Variants in ADAMTS14 observed in about 807,000 individuals in gnomAD.
The protein encoded by ADAMTS14 is ADAM metallopeptidase with thrombospondin type 1 motif 14, also known as A disintegrin and metalloproteinase with thrombospondin motifs 14.
Under a neutral mutation model 128.6 loss-of-function variants are expected in ADAMTS14, and 100 were observed. The observed-to-expected ratio is 0.78, with a 90% CI of 0.66 to 0.92. ADAMTS14 has a LOEUF of 0.92. ADAMTS14 is among the 40% of genes least tolerant of loss of function. The probability of loss-of-function intolerance (pLI) is 0.00; values close to 1 mark genes in which losing one functional copy is unlikely to be tolerated. For synonymous variants in ADAMTS14, 665 were observed against 653.8 expected (o/e 1.02, Z -0.26); for missense variants, 1,562 against 1,658.6 (o/e 0.94, Z 1.01).
At chr10:70,738,776 C>A (rs1254732921) in intron 10 of ADAMTS14, 66 bp from the exon 11 acceptor site, 1 of 1,605,466 alleles carries the variant, frequency 6.2e-7, no homozygotes, top group African/African-American at 1.3e-5. Context: ...ATCCCTTTTT[C>A]TGGCTCCCCG....
At chr10:70,691,817 C>T (rs1322600129) in intron 2 of ADAMTS14, among the ~76,000 whole-genome samples, 1 of 152,188 alleles carries the variant, frequency 6.6e-6, no homozygotes, top group Non-Finnish European at 1.5e-5. Context: ...GCCAGCTGGA[C>T]TCCCTCTGTC....
At chr10:70,688,886 GGAGGGGGAGGGA>G (rs1564521641) in intron 2 of ADAMTS14, among the ~76,000 whole-genome samples, 3 of 8,188 alleles carry the variant, frequency 3.7e-4, no homozygotes, top group African/African-American at 1.2e-3. Flanking sequence ...AGGGGGAGGG[GGAGGGGGAGGGA>G]GAGGGAGAGC....
intron 19 of ADAMTS14, among the ~76,000 whole-genome samples, chr10:70,755,256 A>G (rs1053914366): frequency 8.0e-5 from 12 of 150,666 alleles, no homozygotes; most frequent in Non-Finnish European, 1.5e-5. Context: ...CCAGTGAGCT[A>G]TGACCATACC....
At chr10:70,752,251 G>A in intron 18 of ADAMTS14, 24 bp downstream of exon 18, 2 of 1,612,176 alleles carry the variant, frequency 1.2e-6, no homozygotes, top group South Asian at 1.1e-5. Flanking sequence ...GGGAGGGACG[G>A]GGAGTCTGGT....
At chr10:70,724,997 T>A (rs1035864100) in intron 4 of ADAMTS14, among the ~76,000 whole-genome samples, 1 of 152,114 alleles carries the variant, frequency 6.6e-6, no homozygotes, top group Non-Finnish European at 1.5e-5. Flanking sequence ...TGTGTAACAG[T>A]TTTTGTTTAT....
rs563657336 is a variant in ADAMTS14, at chr10:70,673,761, C to T, written c.83-795C>T. 3.9e-5 allele frequency among the ~76,000 whole-genome samples: 6 copies of T among 152,126 alleles called. No homozygotes were observed. The South Asian group carries it at 1.2e-3, about 32-fold the overall frequency. On this transcript the variant is annotated intron_variant, in intron 1 of 21. Coordinates refer to ENST00000373207, the MANE Select transcript of ADAMTS14 (RefSeq NM_080722.4). ...AAACTCGCATTCATGAATCACCAGGCCTGGAAGCCAGGGAGCTGTCATTCC... is the reference window on the plus strand; with the variant it reads ...AAACTCGCATTCATGAATCACCAGGTCTGGAAGCCAGGGAGCTGTCATTCC...
At chr10:70,756,987 G>A (rs1007822850) in intron 19 of ADAMTS14, among the ~76,000 whole-genome samples, 6 of 151,978 alleles carry the variant, frequency 3.9e-5, no homozygotes, top group Non-Finnish European at 7.4e-5. Flanking sequence ...AGGATATGCC[G>A]TGTTTGTCTC....
At chr10:70,710,512 TAG>T (rs1840816623) in intron 4 of ADAMTS14, among the ~76,000 whole-genome samples, 1 of 152,190 alleles carries the variant, frequency 6.6e-6, no homozygotes, top group African/African-American at 2.4e-5. Flanking sequence ...AAGGCCGGGA[TAG>T]AATCACCTTA....
chr10:70,741,771 A>G (rs1347920712), intron 12 of ADAMTS14, among the ~76,000 whole-genome samples: 20 of 152,156 alleles, frequency 1.3e-4, no homozygotes, highest in Admixed American at 1.3e-3. Flanking sequence ...GAATTTGGGG[A>G]CCATAGTGGT....
chr10:70,708,341 T>A (rs10823600), intron 3 of ADAMTS14, among the ~76,000 whole-genome samples: 1 of 151,954 alleles, frequency 6.6e-6, no homozygotes, highest in Non-Finnish European at 1.5e-5. Context: ...GAACCCAGGC[T>A]TTCTGCTCTG....
chr10:70,748,474 C>T (rs903501967), intron 15 of ADAMTS14, among the ~76,000 whole-genome samples: 1 of 152,170 alleles, frequency 6.6e-6, no homozygotes, highest in Non-Finnish European at 1.5e-5. Flanking sequence ...AGGGGCATCT[C>T]TCCAGCAGCC....
chr10:70,702,281 TCTTTCCCGCTG>T lies in ADAMTS14; in HGVS notation c.523-27_523-17del. The T allele has an allele frequency of 6.2e-7, 1 of 1,613,766 alleles. No homozygotes were observed. The highest frequency in any genetic ancestry group is 8.5e-7 in the Non-Finnish European group (1 of 1,179,968). ...TGTGTGTTCATGCCTCTTATTTCTC[TCTTTCCCGCTG>T]CTTGCCGTCCCTGGTTCAGGCGGGC... On this transcript the variant is annotated intron_variant, in intron 2 of 21. Coordinates refer to ENST00000373207, the MANE Select transcript of ADAMTS14 (RefSeq NM_080722.4).
chr10:70,712,267 G>T (rs1181410059), intron 4 of ADAMTS14, among the ~76,000 whole-genome samples: 1 of 152,294 alleles, frequency 6.6e-6, no homozygotes, highest in East Asian at 1.9e-4. Flanking sequence ...AGGGGAAAGG[G>T]GTAGGGGAGA....
At chr10:70,736,022 C>T (rs1364595914) in intron 9 of ADAMTS14, among the ~76,000 whole-genome samples, 1 of 152,254 alleles carries the variant, frequency 6.6e-6, no homozygotes, top group Non-Finnish European at 1.5e-5. Flanking sequence ...TGTGTGGACA[C>T]CTTCCCCACT....
intron 21 of ADAMTS14, 55 bp from the exon 22 acceptor site, chr10:70,760,305 G>C (rs1348890249): frequency 6.6e-7 from 1 of 1,504,956 alleles, no homozygotes. Flanking sequence ...GGGGCCACCT[G>C]ACTGACAGGC....
chr10:70,738,034 T>G (rs1010097861), intron 10 of ADAMTS14, among the ~76,000 whole-genome samples: 3 of 152,324 alleles, frequency 2.0e-5, no homozygotes, highest in African/African-American at 7.2e-5. Flanking sequence ...TTCCTACCCC[T>G]AGTGATTCTG....
chr10:70,673,415 G>A (rs1451158613), intron 1 of ADAMTS14, among the ~76,000 whole-genome samples: 4 of 151,884 alleles, frequency 2.6e-5, no homozygotes, highest in Non-Finnish European at 5.9e-5. Context: ...ACTGTCAAAC[G>A]CTGTGGACAC....
rs756662391 is a variant in ADAMTS14 at position 70,690,977 on chromosome 10, G to T, written c.523-11335G>T. On this transcript the variant is annotated intron_variant, in intron 2 of 21. Transcript: ENST00000373207. ...GGTGGGCTATGATGGTGACAGAGGG[G>T]GAAGCCTCAGAGCCGCTTGGCTCCT... Among the ~76,000 whole-genome samples the T allele has an allele frequency of 1.0e-4, 15 of 144,746 alleles. 4 individuals are homozygous for T. The highest frequency in any genetic ancestry group is 2.1e-4 in the Non-Finnish European group (13 of 63,196). The allele number at this position is 144,746 out of a possible 152,430, so 95.0% of individuals were successfully genotyped here.
At chr10:70,687,366 G>A (rs1203743146) in intron 2 of ADAMTS14, among the ~76,000 whole-genome samples, 7 of 73,122 alleles carry the variant, frequency 9.6e-5, no homozygotes, top group African/African-American at 3.1e-4. Flanking sequence ...CGGACGGGGC[G>A]GCTGGCCGGG....
Sources: gnomAD v4.1 joint callset for allele counts (sites outside exome capture counted in the v4.1 genomes callset) on GRCh38, gnomAD v4.1.1 for gene constraint, MANE v1.5 for transcripts, NCBI Gene and HGNC (gene_info 2026-07-23, HGNC 2026-07-21) for gene names.